Variants in NRXN3 observed in about 807,000 individuals in gnomAD.
NRXN3 encodes neurexin III.
Under a neutral mutation model 137.6 loss-of-function variants are expected in NRXN3, and 32 were observed. The observed-to-expected ratio is 0.23, with a 90% CI of 0.18 to 0.31. NRXN3 has a LOEUF of 0.31. Ranked by LOEUF, NRXN3 falls within the 10% of genes least tolerant of loss-of-function variation. The probability of loss-of-function intolerance (pLI) is 1.00; values close to 1 mark genes in which losing one functional copy is unlikely to be tolerated. For synonymous variants in NRXN3, 798 were observed against 784.5 expected (o/e 1.02, Z -0.29); for missense variants, 1,574 against 2,062.5 (o/e 0.76, Z 4.59).
At chr14:78,868,810 A>C (rs949462842) in intron 10 of NRXN3, among the ~76,000 whole-genome samples, 2 of 151,982 alleles carry the variant, frequency 1.3e-5, no homozygotes, top group Non-Finnish European at 2.9e-5. Flanking sequence ...AAAAAAAGCG[A>C]AACTCCATCT....
At chr14:79,799,484 A>G (rs960338737) in intron 19 of NRXN3, among the ~76,000 whole-genome samples, 1 of 152,196 alleles carries the variant, frequency 6.6e-6, no homozygotes, top group Admixed American at 6.5e-5. Flanking sequence ...GAAGTCTGAT[A>G]GGGCAGGACA....
chr14:79,535,737 A>ACTAAGTGATGATGGCATC (rs2097205201), intron 16 of NRXN3, among the ~76,000 whole-genome samples: 1 of 152,138 alleles, frequency 6.6e-6, no homozygotes, highest in African/African-American at 2.4e-5. Context: ...GGTAAAATTG[A>ACTAAGTGATGATGGCATC]ACAGCTACTA....
intron 5 of NRXN3, among the ~76,000 whole-genome samples, chr14:78,648,525 A>G (rs530289181): frequency 2.6e-5 from 4 of 152,062 alleles, no homozygotes; most frequent in African/African-American, 9.7e-5. Context: ...GAAGATTCTA[A>G]TTTTTTTTGA....
At chr14:79,465,775 G>A (rs1168183924) in intron 15 of NRXN3, among the ~76,000 whole-genome samples, 1 of 152,152 alleles carries the variant, frequency 6.6e-6, no homozygotes, top group Admixed American at 6.6e-5. Flanking sequence ...GTTGGAACAT[G>A]GTCACTGAGA....
At chr14:78,910,920 C>T (rs1251987678) in intron 10 of NRXN3, among the ~76,000 whole-genome samples, 1 of 152,156 alleles carries the variant, frequency 6.6e-6, no homozygotes, top group Non-Finnish European at 1.5e-5. Context: ...CTCTCCTCCA[C>T]CCCATATCAA....
intron 19 of NRXN3, among the ~76,000 whole-genome samples, chr14:79,708,568 C>T (rs546363581): frequency 5.3e-5 from 8 of 151,380 alleles, no homozygotes; most frequent in African/African-American, 1.2e-4. Flanking sequence ...AAGCAGCAAT[C>T]GTCACTTGCC....
At chr14:79,328,418 T>A (rs2091222754) in intron 15 of NRXN3, among the ~76,000 whole-genome samples, 1 of 152,222 alleles carries the variant, frequency 6.6e-6, no homozygotes, top group African/African-American at 2.4e-5. Context: ...CAAAACATTT[T>A]CAGTCAAGGG....
intron 19 of NRXN3, among the ~76,000 whole-genome samples, chr14:79,752,298 G>GT (rs2099000766): frequency 2.0e-5 from 3 of 151,840 alleles, no homozygotes; most frequent in Admixed American, 6.6e-5. Flanking sequence ...GGTTTAGTCT[G>GT]TTTTGGTTAC....
At chr14:78,885,926 G>T (rs975617369) in intron 10 of NRXN3, among the ~76,000 whole-genome samples, 15 of 152,076 alleles carry the variant, frequency 9.9e-5, no homozygotes, top group African/African-American at 2.7e-4. Context: ...GGATGTGAGG[G>T]TTTGCTCTAT....
chr14:78,543,084 A>C (rs1856559372), intron 4 of NRXN3, among the ~76,000 whole-genome samples: 1 of 152,136 alleles, frequency 6.6e-6, no homozygotes, highest in Non-Finnish European at 1.5e-5. Context: ...ATAGGTACTC[A>C]GACTTTATAG....
chr14:78,677,858 C>A (rs757939833), intron 6 of NRXN3, among the ~76,000 whole-genome samples: 5 of 152,092 alleles, frequency 3.3e-5, no homozygotes, highest in Non-Finnish European at 7.4e-5. Context: ...TGAGGCAGAC[C>A]CTACACCAGC....
intron 16 of NRXN3, among the ~76,000 whole-genome samples, chr14:79,601,105 G>A (rs1199182114): frequency 2.0e-4 from 28 of 142,742 alleles, no homozygotes; most frequent in South Asian, 2.3e-4. Context: ...GTGCAGTGGC[G>A]CAATCTTGGC....
chr14:78,477,777 C>T (rs1353884635), intron 4 of NRXN3, among the ~76,000 whole-genome samples: 1 of 152,076 alleles, frequency 6.6e-6, no homozygotes, highest in Non-Finnish European at 1.5e-5. Flanking sequence ...AAGTTGCAGG[C>T]AATAACAAGA....
chr14:79,302,327 C>T (rs1471327662), intron 15 of NRXN3, among the ~76,000 whole-genome samples: 2 of 151,956 alleles, frequency 1.3e-5, no homozygotes, highest in East Asian at 3.9e-4. Flanking sequence ...GTTTATTGGG[C>T]TCATGGTTTT....
At chr14:79,393,970 G>C (rs1342804675) in intron 15 of NRXN3, among the ~76,000 whole-genome samples, 1 of 152,150 alleles carries the variant, frequency 6.6e-6, no homozygotes, top group African/African-American at 2.4e-5. Flanking sequence ...ACTAGGTCCA[G>C]TAGGGTGGAA....
intron 4 of NRXN3, among the ~76,000 whole-genome samples, chr14:78,475,548 C>A (rs2095363759): frequency 6.6e-6 from 1 of 152,188 alleles, no homozygotes; most frequent in African/African-American, 2.4e-5. Flanking sequence ...GTAAAACAGT[C>A]TTGGCATTAA....
At chr14:78,839,636 G>A (rs1363980598) in intron 10 of NRXN3, among the ~76,000 whole-genome samples, 2 of 152,152 alleles carry the variant, frequency 1.3e-5, no homozygotes, top group African/African-American at 4.8e-5. Context: ...CAAGTGTAAA[G>A]GGCGAGTATG....
chr14:79,020,235 TCCCC>T (rs2099587115), intron 15 of NRXN3, among the ~76,000 whole-genome samples: 1 of 12,734 alleles, frequency 7.9e-5, no homozygotes, highest in Non-Finnish European at 1.3e-4. Context: ...TCCCCTCCCC[TCCCC>T]TCCCCTCCCC....
chr14:78,528,295 T>A (rs577596824), intron 4 of NRXN3, among the ~76,000 whole-genome samples: 1 of 152,332 alleles, frequency 6.6e-6, no homozygotes, highest in South Asian at 2.1e-4. Context: ...CCTTTCAAGA[T>A]GTTGGCAATG....
Sources: gnomAD v4.1 joint callset for allele counts (sites outside exome capture counted in the v4.1 genomes callset) on GRCh38, gnomAD v4.1.1 for gene constraint, MANE v1.5 for transcripts, NCBI Gene and HGNC (gene_info 2026-07-23, HGNC 2026-07-21) for gene names.